Variants in CRYZL1 observed in about 807,000 individuals in gnomAD.
CRYZL1 encodes the protein crystallin zeta like 1.
A neutral mutation model predicts 50.6 loss-of-function variants in CRYZL1; 34 were observed. The observed-to-expected ratio is 0.67, with a 90% CI of 0.51 to 0.89. The LOEUF (loss-of-function observed/expected upper bound fraction) is 0.89, where lower values mean the gene tolerates loss of function less well. Among genes scored for constraint, CRYZL1 ranks in the 40% least tolerant of loss-of-function variants. CRYZL1 has a pLI of 0.00. For missense variants in CRYZL1, 354 were observed against 402.3 expected, an observed-to-expected ratio of 0.88 and a Z score of 1.03; for synonymous variants, 125 against 134.3, an observed-to-expected ratio of 0.93 and a Z score of 0.48.
In CRYZL1 at chr21:33,603,446, A is replaced by T; in HGVS notation, c.423T>A (p.His141Gln). ...TCAGCACTGATTTTCCAGGAGAGAG[A>T]TGAGAAAGATAATGCAGAGCTGTAT... ...RAYTALHYLS[H>Q]LSPGKSVLIM... Residue 141 changes from histidine (H) to glutamine (Q), a missense_variant, in exon 7 of 13, where the codon CAT becomes CAA. Transcript: ENST00000381554. The T allele has an allele frequency of 6.2e-7, 1 of 1,614,144 alleles. No homozygotes were observed. Among genetic ancestry groups the T allele is most frequent in the Non-Finnish European group, 8.5e-7 (1 of 1,180,018 alleles).
intron 8 of CRYZL1, among the ~76,000 whole-genome samples, chr21:33,600,710 C>G (rs1409084132): frequency 6.6e-6 from 1 of 150,952 alleles, no homozygotes; most frequent in Non-Finnish European, 1.5e-5. Context: ...ACTGCAAGCT[C>G]TGCCTCCCAG....
intron 1 of CRYZL1, among the ~76,000 whole-genome samples, chr21:33,635,097 G>A (rs1034971047): frequency 4.0e-5 from 6 of 151,690 alleles, no homozygotes; most frequent in African/African-American, 1.4e-4. Context: ...AGAAAACTGA[G>A]GAAATATTTG....
At chr21:33,611,791 T>C (rs1468941722) in intron 6 of CRYZL1, among the ~76,000 whole-genome samples, 1 of 152,224 alleles carries the variant, frequency 6.6e-6, no homozygotes, top group Non-Finnish European at 1.5e-5. Context: ...CTCACACAGG[T>C]AACTTCCACC....
intron 4 of CRYZL1, among the ~76,000 whole-genome samples, chr21:33,620,697 A>G (rs2086985179): frequency 6.6e-6 from 1 of 151,894 alleles, no homozygotes. Flanking sequence ...CTGTAGCCCC[A>G]GCTACTTGGA....
chr21:33,610,727 G>GTTTTT lies in CRYZL1; in HGVS notation c.331+2806_331+2810dup, dbSNP rs747790692. The stretch of plus-strand genomic sequence containing the variant: ...CTAAAGGAATGGGCCTTGTTTGGTT[G>GTTTTT]TTTTTTTTTTTTTTTTTTTTTTTTG... On this transcript the variant is annotated intron_variant, in intron 6 of 12. Coordinates refer to ENST00000381554, the MANE Select transcript of CRYZL1 (RefSeq NM_145858.3). Among the ~76,000 whole-genome samples, 565 of 101,336 alleles carry GTTTTT rather than the reference G, an allele frequency of 5.6e-3. 7 individuals carry two copies. The highest frequency in any genetic ancestry group is 8.1e-3 in the Non-Finnish European group (410 of 50,510). 66.5% of individuals were successfully genotyped at this position (101,336 alleles called of 152,430 possible).
At chr21:33,608,218 G>T (rs756131820) in intron 6 of CRYZL1, among the ~76,000 whole-genome samples, 34 of 152,200 alleles carry the variant, frequency 2.2e-4, no homozygotes, top group Non-Finnish European at 4.3e-4. Flanking sequence ...ACTTTGGGAG[G>T]CCGAGGTGGG....
Position 33,603,509 on chromosome 21 carries a change from C to T in CRYZL1, c.360G>A (p.Thr120=), listed in dbSNP as rs148269698. 2.2e-4 allele frequency: 354 copies of T among 1,613,982 alleles called. 4 individuals are homozygous for T. The highest frequency in any genetic ancestry group is 1.7e-3 in the South Asian group (154 of 91,088). The change falls in exon 7 of 13, where the codon ACG becomes ACA. Residue 120 remains threonine (T), a synonymous_variant. Coordinates refer to ENST00000381554, the MANE Select transcript of CRYZL1 (RefSeq NM_145858.3). ...LVHKPEKVTW[T]EAAGSIRDGV... ...CATCCCGAATGCTTCCTGCTGCTTC[C>T]GTCCATGTGACCTTTTCTGGTTTAT...
At chr21:33,630,218 T>C (rs1004688761) in intron 2 of CRYZL1, among the ~76,000 whole-genome samples, 1 of 152,154 alleles carries the variant, frequency 6.6e-6, no homozygotes, top group Non-Finnish European at 1.5e-5. Context: ...GAAACTCTTA[T>C]ACACCACTGG....
intron 6 of CRYZL1, among the ~76,000 whole-genome samples, chr21:33,606,118 C>T (rs2086812248): frequency 6.6e-6 from 1 of 152,132 alleles, no homozygotes; most frequent in Admixed American, 6.5e-5. Flanking sequence ...TAGCTATTCT[C>T]CCAATTTTAC....
intron 1 of CRYZL1, chr21:33,641,365 G>A (rs2087327216): frequency 8.0e-6 from 12 of 1,506,360 alleles, no homozygotes; most frequent in South Asian, 1.3e-5. Context: ...AGAAGCAGAG[G>A]AGAAAAACCC....
intron 4 of CRYZL1, among the ~76,000 whole-genome samples, chr21:33,620,902 C>CTTTTTTTTTTTTTTT: frequency 1.4e-5 from 1 of 69,102 alleles, no homozygotes; most frequent in Non-Finnish European, 2.6e-5. Context: ...GGTGTCCAAT[C>CTTTTTTTTTTTTTTT]TTTTTTTTTT....
rs147016396 is a variant in CRYZL1 at position 33,639,749 on chromosome 21, T to A, written c.-7+1932A>T. On this transcript the variant is annotated intron_variant, in intron 1 of 12. Coordinates refer to ENST00000381554, the MANE Select transcript of CRYZL1 (RefSeq NM_145858.3). Reference sequence around the variant, plus strand: ...AATTCAAAAATCAAGAGAAAATAATTTCATGTCTTTATTATGCATAAAATG... The same window carrying A: ...AATTCAAAAATCAAGAGAAAATAATATCATGTCTTTATTATGCATAAAATG... 682 of 153,060 alleles carry A rather than the reference T, an allele frequency of 4.5e-3. 5 individuals carry two copies. The highest frequency in any genetic ancestry group is 0.016 in the African/African-American group (651 of 41,546). 9.5% of individuals were successfully genotyped at this position (153,060 alleles called of 1,614,324 possible).
chr21:33,625,302 C>T (rs572117311), intron 2 of CRYZL1, among the ~76,000 whole-genome samples: 2 of 151,526 alleles, frequency 1.3e-5, no homozygotes, highest in Non-Finnish European at 2.9e-5. Flanking sequence ...ATTACAGGCA[C>T]CCGCCACCAT....
intron 11 of CRYZL1, among the ~76,000 whole-genome samples, chr21:33,593,115 C>CT (rs911755365): frequency 9.3e-5 from 14 of 150,350 alleles, no homozygotes; most frequent in Admixed American, 3.3e-4. Context: ...TAAAACATTT[C>CT]TTTTTTTTTG....
chr21:33,601,189 G>A lies in CRYZL1; in HGVS notation c.577+1045C>T, dbSNP rs188383729. Among the ~76,000 whole-genome samples the A allele has an allele frequency of 1.6e-3, 238 of 151,564 alleles. 2 individuals are homozygous for A. Among genetic ancestry groups the A allele is most frequent in the African/African-American group, 5.4e-3 (222 of 41,288 alleles). On this transcript the variant is annotated intron_variant, in intron 8 of 12. Coordinates refer to ENST00000381554, the MANE Select transcript of CRYZL1 (RefSeq NM_145858.3). ...TCACCTCAAGTGATCCACCCGCCTC[G>A]GCCTCCCAAAGTGCTGGGATTGCAG... is the stretch of plus-strand genomic sequence containing the variant.
chr21:33,602,856 A>G (rs1015843668), intron 7 of CRYZL1, among the ~76,000 whole-genome samples: 1 of 152,270 alleles, frequency 6.6e-6, no homozygotes, highest in Non-Finnish European at 1.5e-5. Context: ...AAAGAAAAGC[A>G]GGAAGAAAGC....
chr21:33,638,551 G>T (rs2087239036), intron 1 of CRYZL1, among the ~76,000 whole-genome samples: 2 of 152,182 alleles, frequency 1.3e-5, no homozygotes, highest in Non-Finnish European at 2.9e-5. Flanking sequence ...GGTTATAACA[G>T]TTGAGGATAT....
chr21:33,634,706 T>C (rs1258771483), intron 1 of CRYZL1, among the ~76,000 whole-genome samples: 1 of 152,012 alleles, frequency 6.6e-6, no homozygotes, highest in African/African-American at 2.4e-5. Context: ...TCAAAGCATC[T>C]TGCTTTGTGA....
intron 9 of CRYZL1, 124 bp downstream of exon 9, chr21:33,599,025 CA>C: frequency 2.4e-6 from 2 of 829,572 alleles, no homozygotes; most frequent in Non-Finnish European, 3.8e-6. Context: ...CAGTTAAAAA[CA>C]AAACCTAAAA....
Sources: allele counts gnomAD v4.1 joint callset (sites outside exome capture counted in the v4.1 genomes callset), GRCh38; gene constraint gnomAD v4.1.1; transcripts MANE v1.5; gene names NCBI Gene and HGNC (gene_info 2026-07-23, HGNC 2026-07-21).